MTFMT: variants seen among roughly 807,000 people sequenced by gnomAD.
MTFMT encodes the protein methionyl-tRNA formyltransferase, mitochondrial.
In MTFMT, 47 loss-of-function variants were observed where a neutral mutation model predicts 51.8. The observed-to-expected ratio is 0.91, with a 90% CI of 0.72 to 1.16. The LOEUF (loss-of-function observed/expected upper bound fraction) is 1.16, where lower values mean the gene tolerates loss of function less well. Ranked by LOEUF, MTFMT falls within the 50% of genes most tolerant of loss-of-function variation. MTFMT has a pLI of 0.00. For missense variants in MTFMT, 512 were observed against 482.3 expected (o/e 1.06, Z -0.58); for synonymous variants, 196 against 176.7 (o/e 1.11, Z -0.87).
chr15:65,017,986 C>T (rs550431305), intron 5 of MTFMT, among the ~76,000 whole-genome samples: 1 of 152,158 alleles, frequency 6.6e-6, no homozygotes, highest in East Asian at 1.9e-4. Flanking sequence ...AAGACTAAAT[C>T]AGAAACTAAT....
intron 8 of MTFMT, among the ~76,000 whole-genome samples, chr15:65,003,845 CAAAAAAAAAA>C (rs768884218): frequency 2.2e-4 from 9 of 40,646 alleles, no homozygotes; most frequent in African/African-American, 7.2e-4. Context: ...AACTCCATCT[CAAAAAAAAAA>C]AAAAAAAAAA....
chr15:65,006,006 C>T, intron 7 of MTFMT, 107 bp downstream of exon 7: 1 of 710,210 alleles, frequency 1.4e-6, no homozygotes, highest in Non-Finnish European at 2.3e-6. Context: ...TGAACTGAAA[C>T]AAACTAAAAG....
intron 6 of MTFMT, among the ~76,000 whole-genome samples, chr15:65,012,764 T>C (rs1479766889): frequency 6.6e-6 from 1 of 152,194 alleles, no homozygotes; most frequent in Non-Finnish European, 1.5e-5. Flanking sequence ...TTGGTTACTG[T>C]AGTTTTACAG....
At chr15:65,007,736 T>A (rs1284310002) in intron 6 of MTFMT, among the ~76,000 whole-genome samples, 1 of 152,264 alleles carries the variant, frequency 6.6e-6, no homozygotes, top group Non-Finnish European at 1.5e-5. Context: ...TTAATTTATT[T>A]ATCTGTAACC....
chr15:65,014,907 C>G (rs1210784200), intron 6 of MTFMT, among the ~76,000 whole-genome samples: 2 of 151,138 alleles, frequency 1.3e-5, no homozygotes, highest in Non-Finnish European at 2.9e-5. Flanking sequence ...GCTGGGATTA[C>G]ACGTGTGAGC....
intron 2 of MTFMT, 178 bp downstream of exon 2, chr15:65,026,653 G>A (rs891069656): frequency 3.7e-5 from 23 of 619,264 alleles, no homozygotes; most frequent in South Asian, 1.1e-4. Context: ...TCAGTTACCT[G>A]AACCTGGCAG....
At position 65,005,189 on chromosome 15, in the gene MTFMT, T is replaced by C. The variant is rs72744626; in HGVS notation, c.893-253A>G. On this transcript the variant is annotated intron_variant, in intron 7 of 8. Coordinates refer to ENST00000220058, the MANE Select transcript of MTFMT (RefSeq NM_139242.4). Reference sequence around the variant, plus strand: ...TTTACCCAGTGACCACCTAAAATGCTGAATCTACAAGTTTTGTGTTAGCGC... The same window carrying C: ...TTTACCCAGTGACCACCTAAAATGCCGAATCTACAAGTTTTGTGTTAGCGC... 0.028 allele frequency among the ~76,000 whole-genome samples: 4,237 copies of C among 152,304 alleles called. 108 individuals carry two copies. Among genetic ancestry groups the C allele is most frequent in the South Asian group, 0.13 (633 of 4,824 alleles).
intron 2 of MTFMT, among the ~76,000 whole-genome samples, chr15:65,025,118 G>C (rs2086410145): frequency 6.6e-6 from 1 of 152,006 alleles, no homozygotes; most frequent in Admixed American, 6.5e-5. Context: ...TTTGAGGCAG[G>C]GTACAGTGGC....
intron 5 of MTFMT, among the ~76,000 whole-genome samples, chr15:65,017,699 G>A (rs1252455949): frequency 6.6e-6 from 1 of 152,100 alleles, no homozygotes; most frequent in African/African-American, 2.4e-5. Flanking sequence ...TTGGGAGGCT[G>A]AGGTGGGAGG....
At chr15:65,005,691 C>G (rs892107829) in intron 7 of MTFMT, among the ~76,000 whole-genome samples, 5 of 150,942 alleles carry the variant, frequency 3.3e-5, no homozygotes, top group African/African-American at 9.8e-5. Context: ...TCACTGAAAC[C>G]TCTGCCTCCC....
At position 65,022,434 on chromosome 15, in the gene MTFMT, C is replaced by T. The variant is rs112856991; in HGVS notation, c.543-818G>A. ...CCCCACTACATTCCAGCCGGGGTGA[C>T]AGAGTGAGACCCCGTCTCAAGAAAA... On this transcript the variant is annotated intron_variant, in intron 3 of 8. Coordinates refer to ENST00000220058, the MANE Select transcript of MTFMT (RefSeq NM_139242.4). 7.7e-3 allele frequency among the ~76,000 whole-genome samples: 1,142 copies of T among 149,150 alleles called. 50 individuals carry two copies. In the South Asian group the frequency reaches 0.12, roughly 16 times the overall value.
At chr15:65,024,866 TAC>T (rs1279626555) in intron 2 of MTFMT, among the ~76,000 whole-genome samples, 1 of 152,190 alleles carries the variant, frequency 6.6e-6, no homozygotes, top group East Asian at 1.9e-4. Flanking sequence ...GAGAAAGCTT[TAC>T]CAACAAGAAA....
Position 65,006,172 on chromosome 15 carries a change from C to T in MTFMT, c.833G>A (p.Trp278Ter), listed in dbSNP as rs1181195056. 6.2e-7 allele frequency: 1 copy of T among 1,612,330 alleles called. No homozygotes were observed. The highest frequency in any genetic ancestry group is 8.5e-7 in the Non-Finnish European group (1 of 1,179,002). ...IGNIIPLQTL[W>*]MANTIKLLDL... The stretch of plus-strand genomic sequence containing the variant: ...CAGAAGTTTAATGGTATTCGCCATC[C>T]AGAGCGTCTGCAACGGAATCTGCAA... The change falls in exon 7 of 9, where the codon TGG becomes TAG. Residue 278 changes from tryptophan (W) to a stop codon, truncating the protein, a stop_gained. Coordinates refer to ENST00000220058, the MANE Select transcript of MTFMT (RefSeq NM_139242.4). LOFTEE classifies it high-confidence loss of function.
Position 65,004,927 on chromosome 15 carries a change from A to C in MTFMT, c.902T>G (p.Leu301Ter), listed in dbSNP as rs2086209432. The change falls in exon 8 of 9, where the codon TTA becomes TGA. Residue 301 changes from leucine to a stop codon, truncating the protein, a stop_gained. Coordinates refer to ENST00000220058, the MANE Select transcript of MTFMT (RefSeq NM_139242.4). LOFTEE classifies it high-confidence loss of function. ...VNSSVLADPK[L>*]TGQALIPGSV... is the part of the protein sequence containing the mutation. ...TCCTGGAATAAGAGCCTGTCCCGTT[A>C]ATTTTGGATCTGAAGAATGGAAAAA... The C allele has an allele frequency of 3.7e-6, 6 of 1,610,458 alleles. No individual in the cohort carries two copies. Among genetic ancestry groups the C allele is most frequent in the East Asian group, 4.5e-5 (2 of 44,750 alleles).
chr15:65,018,586 TA>T (rs1212942437), intron 5 of MTFMT, among the ~76,000 whole-genome samples: 1 of 152,076 alleles, frequency 6.6e-6, no homozygotes, highest in Non-Finnish European at 1.5e-5. Context: ...TCAACCCCAC[TA>T]AAATGAACAA....
At chr15:65,016,213 T>C (rs2086321029) in intron 6 of MTFMT, 3 of 317,888 alleles carry the variant, frequency 9.4e-6, no homozygotes, top group Non-Finnish European at 1.7e-5. Context: ...AATATACATA[T>C]ATTTAAAAGT....
chr15:65,007,038 G>A lies in MTFMT; in HGVS notation c.814-847C>T, dbSNP rs552199858. Among the ~76,000 whole-genome samples the A allele has an allele frequency of 2.5e-4, 38 of 152,284 alleles. No homozygotes were observed. The South Asian group carries it at 6.4e-3, about 26-fold the overall frequency. ...AGTAAAGGAAATAAATCAAGGTGGC[G>A]TGGCTCAGACTAAGGGCCCGCATGA... On this transcript the variant is annotated intron_variant, in intron 6 of 8. Transcript: ENST00000220058.
chr15:65,028,488 G>A (rs1329024062), intron 1 of MTFMT, among the ~76,000 whole-genome samples: 1 of 152,228 alleles, frequency 6.6e-6, no homozygotes, highest in African/African-American at 2.4e-5. Context: ...AGCAGCCCAT[G>A]AAGGGTGTGC....
At chr15:65,028,284 T>C (rs1595894187) in intron 1 of MTFMT, among the ~76,000 whole-genome samples, 1 of 152,252 alleles carries the variant, frequency 6.6e-6, no homozygotes, top group East Asian at 1.9e-4. Context: ...GGCGTGGTGG[T>C]GCACGCCCGT....
Sources: allele counts gnomAD v4.1 joint callset (sites outside exome capture counted in the v4.1 genomes callset), GRCh38; gene constraint gnomAD v4.1.1; transcripts MANE v1.5; gene names NCBI Gene and HGNC (gene_info 2026-07-23, HGNC 2026-07-21).